Variants in PCDHGA2 observed in about 807,000 individuals in gnomAD.
The protein encoded by PCDHGA2 is protocadherin gamma subfamily A, 2.
A neutral mutation model predicts 59.2 loss-of-function variants in PCDHGA2; 40 were observed. The observed-to-expected ratio is 0.68, with a 90% CI of 0.52 to 0.88. The LOEUF is 0.88. Among genes scored for constraint, PCDHGA2 ranks in the 40% least tolerant of loss-of-function variants. PCDHGA2 has a pLI of 0.00. For synonymous variants in PCDHGA2, 560 were observed against 526.0 expected (o/e 1.06, Z -0.89); for missense variants, 1,226 against 1,204.0 (o/e 1.02, Z -0.27).
chr5:141,404,970 C>A (rs1470955697), intron 1 of PCDHGA2: 1 of 1,613,940 alleles, frequency 6.2e-7, no homozygotes, highest in Non-Finnish European at 8.5e-7. Flanking sequence ...GACATCCTGG[C>A]TGACCTGGGC....
rs1346061137 is a variant in PCDHGA2, at chr5:141,340,283, AT to A, written c.1316del (p.Leu439CysfsTer36). On this transcript the variant is annotated frameshift_variant, in exon 1 of 4. Coordinates refer to ENST00000394576, the MANE Select transcript of PCDHGA2 (RefSeq NM_018915.4). LOFTEE classifies it high-confidence loss of function. Reference sequence around the variant, plus strand: ...CCCCTCCCTGTCCACGGATGCTCACATTTTGCTCCAGGTGGCAGACATCAAC... The same window carrying A: ...CCCCTCCCTGTCCACGGATGCTCACATTTGCTCCAGGTGGCAGACATCAAC... ...GNPSLSTDAH[I>X]LLQVADINDN... The A allele has an allele frequency of 6.2e-7, 1 of 1,614,112 alleles. No homozygotes were observed. The highest frequency in any genetic ancestry group is 1.1e-5 in the South Asian group (1 of 91,076).
In PCDHGA2 at chr5:141,395,537, A is replaced by ATTGTTTGT. The variant is rs1179408656; in HGVS notation, c.2424+54143_2424+54150dup. On this transcript the variant is annotated intron_variant, in intron 1 of 3. Coordinates refer to ENST00000394576, the MANE Select transcript of PCDHGA2 (RefSeq NM_018915.4). Reference sequence around the variant, plus strand: ...ACCCGTCCATACTGGTAATTTTGCTATTGTTTGTGTGTGTGTGTGTGTGTG... The same window carrying ATTGTTTGT: ...ACCCGTCCATACTGGTAATTTTGCTATTGTTTGTTTGTTTGTGTGTGTGTGTGTGTGTG... 12 of 243,932 alleles carry ATTGTTTGT rather than the reference A, an allele frequency of 4.9e-5. No individual in the cohort carries two copies. In the African/African-American group the frequency reaches 6.6e-4, roughly 13 times the overall value. 15.1% of individuals were successfully genotyped at this position (243,932 alleles called of 1,614,324 possible).
chr5:141,481,257 A>T (rs2099534664), intron 1 of PCDHGA2, among the ~76,000 whole-genome samples: 1 of 152,172 alleles, frequency 6.6e-6, no homozygotes, highest in African/African-American at 2.4e-5. Context: ...GCTCTAAAAG[A>T]TCACTGTAGG....
chr5:141,427,711 A>G, intron 1 of PCDHGA2: 1 of 1,036,496 alleles, frequency 9.6e-7, no homozygotes. Context: ...AGCGCCTCTG[A>G]CCTGGACCTA....
rs371499368 is a variant in PCDHGA2 at position 141,414,269 on chromosome 5, C to T, written c.2424+72874C>T. The stretch of plus-strand genomic sequence containing the variant: ...TTTAGTCCAGTGACTGAAGATTCAC[C>T]TCTGGGAACAGTCGTAGCCCTTTTA... On this transcript the variant is annotated intron_variant, in intron 1 of 3. Coordinates refer to ENST00000394576, the MANE Select transcript of PCDHGA2 (RefSeq NM_018915.4). 8.1e-6 allele frequency: 13 copies of T among 1,613,266 alleles called. No homozygotes were observed. The African/African-American group carries it at 1.6e-4, about 20-fold the overall frequency.
At chr5:141,364,582 G>A (rs1379738059) in intron 1 of PCDHGA2, 1 of 1,614,206 alleles carries the variant, frequency 6.2e-7, no homozygotes, top group Non-Finnish European at 8.5e-7. Flanking sequence ...GCGGCAGCTT[G>A]GTCACCGCGG....
chr5:141,384,321 G>A (rs6883770), intron 1 of PCDHGA2: 89,474 of 1,613,740 alleles, frequency 0.055, 2,962 homozygotes, highest in African/African-American at 0.14. Flanking sequence ...TTTTCTTAGT[G>A]ACTGCACAGG....
intron 1 of PCDHGA2, chr5:141,415,814 T>G: frequency 7.5e-7 from 1 of 1,330,430 alleles, no homozygotes; most frequent in South Asian, 1.8e-5. Flanking sequence ...AAGGCCTATA[T>G]ATCATAAGGC....
chr5:141,404,995 T>G (rs1561697585), intron 1 of PCDHGA2: 1 of 1,614,008 alleles, frequency 6.2e-7, no homozygotes, highest in Non-Finnish European at 8.5e-7. Flanking sequence ...TTCAGATCCC[T>G]GCAGACCTGG....
chr5:141,344,808 AC>A (rs1202930193), intron 1 of PCDHGA2: 1 of 1,613,952 alleles, frequency 6.2e-7, no homozygotes, highest in South Asian at 1.1e-5. Context: ...GCCTGTGGGT[AC>A]CCGGCTGCTC....
intron 1 of PCDHGA2, chr5:141,370,755 G>C: frequency 6.2e-7 from 1 of 1,613,972 alleles, no homozygotes; most frequent in South Asian, 1.1e-5. Flanking sequence ...TCATGTAACT[G>C]TGCTGATCCA....
chr5:141,439,013 A>T lies in PCDHGA2; in HGVS notation c.2425-55794A>T, dbSNP rs2098082221. 1.3e-5 allele frequency among the ~76,000 whole-genome samples: 2 copies of T among 151,700 alleles called. 1 individual carries two copies. The highest frequency in any genetic ancestry group is 1.3e-4 in the Admixed American group (2 of 15,214). On this transcript the variant is annotated intron_variant, in intron 1 of 3. Transcript: ENST00000394576. ...GGCTAAGGACCTGGTTTGTTTGTCA[A>T]ATTTTGAAAATAGATGCCTCAGTTC...
At chr5:141,433,343 G>A (rs1591274674) in intron 1 of PCDHGA2, 1 of 630,308 alleles carries the variant, frequency 1.6e-6, no homozygotes, top group Admixed American at 3.0e-5. Flanking sequence ...ACAGGTGCAA[G>A]CCACCTACTG....
Position 141,510,866 on chromosome 5 carries a change from C to G in PCDHGA2, c.2573-81C>G. 1.9e-6 allele frequency: 3 copies of G among 1,607,908 alleles called. No homozygotes were observed. The East Asian group carries it at 6.7e-5, about 36-fold the overall frequency. ...AGGCCCAGGGTGCTGTATAGGCATT[C>G]ATTAACTGCTGGGGATATAAGACAG... On this transcript the variant is annotated intron_variant, in intron 3 of 3. Coordinates refer to ENST00000394576, the MANE Select transcript of PCDHGA2 (RefSeq NM_018915.4).
chr5:141,405,477 T>A, intron 1 of PCDHGA2: 1 of 1,025,232 alleles, frequency 9.8e-7, no homozygotes, highest in Non-Finnish European at 1.4e-6. Context: ...TGGAATGCAG[T>A]GGTGTGATCT....
At chr5:141,409,034 AACT>A in intron 1 of PCDHGA2, 6 of 1,613,992 alleles carry the variant, frequency 3.7e-6, no homozygotes, top group Non-Finnish European at 4.2e-6. Flanking sequence ...TGCTGAGATA[AACT>A]ACTACTTCCG....
chr5:141,343,206 ATG>A, intron 1 of PCDHGA2: 1 of 720,410 alleles, frequency 1.4e-6, no homozygotes, highest in South Asian at 6.3e-5. Flanking sequence ...ATGCCTAATT[ATG>A]TGTTTGTTTA....
intron 1 of PCDHGA2, chr5:141,426,685 A>C (rs1342844985): frequency 4.6e-6 from 2 of 432,608 alleles, no homozygotes; most frequent in African/African-American, 2.0e-5. Flanking sequence ...CATTTTCCCC[A>C]AAATAGCATT....
At chr5:141,418,045 G>A (rs754041387) in intron 1 of PCDHGA2, 2 of 1,614,002 alleles carry the variant, frequency 1.2e-6, no homozygotes, top group East Asian at 2.2e-5. Flanking sequence ...TGGATGTGTC[G>A]GCTCGCGAGC....
Sources: allele counts gnomAD v4.1 joint callset (sites outside exome capture counted in the v4.1 genomes callset), GRCh38; gene constraint gnomAD v4.1.1; transcripts MANE v1.5; gene names NCBI Gene and HGNC (gene_info 2026-07-23, HGNC 2026-07-21).